FRMD4A: variants seen among roughly 807,000 people sequenced by gnomAD.
FRMD4A encodes the protein FERM domain-containing protein 4A.
A neutral mutation model predicts 129.1 loss-of-function variants in FRMD4A; 29 were observed. The observed-to-expected ratio is 0.22, with a 90% CI of 0.17 to 0.31. The LOEUF (loss-of-function observed/expected upper bound fraction) is 0.31. FRMD4A is among the 10% of genes least tolerant of loss of function. FRMD4A has a pLI of 1.00. For missense variants in FRMD4A, 1,272 were observed against 1,375.8 expected, an observed-to-expected ratio of 0.92 and a Z score of 1.19; for synonymous variants, 634 against 571.6, an observed-to-expected ratio of 1.11 and a Z score of -1.56.
At chr10:14,248,994 T>C (rs1202340253) in intron 2 of FRMD4A, among the ~76,000 whole-genome samples, 5 of 152,234 alleles carry the variant, frequency 3.3e-5, no homozygotes, top group African/African-American at 1.2e-4. Flanking sequence ...CACTTGCACC[T>C]ACGTTTTGAC....
intron 2 of FRMD4A, among the ~76,000 whole-genome samples, chr10:14,055,455 ACACACAAACACACAC>A (rs1834470741): frequency 1.4e-4 from 2 of 14,250 alleles, no homozygotes; most frequent in South Asian, 1.8e-3. Context: ...ACACACACAC[ACACACAAACACACAC>A]ACACACACAC....
intron 3 of FRMD4A, among the ~76,000 whole-genome samples, chr10:13,842,390 T>C (rs1170815758): frequency 1.3e-5 from 2 of 152,240 alleles, no homozygotes; most frequent in Non-Finnish European, 2.9e-5. Flanking sequence ...TCAATAACAC[T>C]GAGCCAGCCT....
intron 2 of FRMD4A, among the ~76,000 whole-genome samples, chr10:14,295,279 A>G (rs1845974532): frequency 6.6e-6 from 1 of 152,064 alleles, no homozygotes; most frequent in Non-Finnish European, 1.5e-5. Flanking sequence ...TACTGGGAGG[A>G]TTTACTTGGG....
chr10:14,213,024 G>T (rs1325300797), intron 2 of FRMD4A, among the ~76,000 whole-genome samples: 2 of 151,936 alleles, frequency 1.3e-5, no homozygotes, highest in African/African-American at 4.8e-5. Context: ...ATCTCTTGAG[G>T]CCAGGAGTTT....
At chr10:14,094,335 C>T (rs1324840669) in intron 2 of FRMD4A, among the ~76,000 whole-genome samples, 6 of 152,192 alleles carry the variant, frequency 3.9e-5, no homozygotes, top group Non-Finnish European at 8.8e-5. Flanking sequence ...ACATGGAAGG[C>T]ATCAAAACCG....
chr10:14,175,437 C>T (rs1034057593), intron 2 of FRMD4A, among the ~76,000 whole-genome samples: 2 of 151,864 alleles, frequency 1.3e-5, no homozygotes, highest in Non-Finnish European at 2.9e-5. Flanking sequence ...CTCCCGTTCA[C>T]ACATCAGCAT....
intron 2 of FRMD4A, among the ~76,000 whole-genome samples, chr10:13,947,689 C>T (rs2095342320): frequency 6.6e-6 from 1 of 152,116 alleles, no homozygotes. Context: ...CAGCAGAAGC[C>T]TCCAGTGTTT....
intron 15 of FRMD4A, among the ~76,000 whole-genome samples, chr10:13,686,947 C>T (rs2085139754): frequency 6.6e-6 from 1 of 152,120 alleles, no homozygotes; most frequent in Non-Finnish European, 1.5e-5. Context: ...CCTTAAAAAG[C>T]CTGAGAACAA....
chr10:13,706,555 G>A (rs775738375), intron 13 of FRMD4A, among the ~76,000 whole-genome samples: 5 of 152,218 alleles, frequency 3.3e-5, no homozygotes, highest in Admixed American at 6.5e-5. Context: ...ATAAAACAAC[G>A]TAGCACAACT....
chr10:14,150,438 A>T (rs1024303545), intron 2 of FRMD4A, among the ~76,000 whole-genome samples: 7 of 152,150 alleles, frequency 4.6e-5, no homozygotes, highest in Non-Finnish European at 4.4e-5. Context: ...TTATTATTTC[A>T]TCTGTAAATT....
chr10:14,271,536 C>T (rs1299447455), intron 2 of FRMD4A, among the ~76,000 whole-genome samples: 1 of 152,262 alleles, frequency 6.6e-6, no homozygotes, highest in East Asian at 1.9e-4. Context: ...GCTCACTCCA[C>T]ACAGAGAGTG....
At chr10:14,257,170 A>G (rs995838979) in intron 2 of FRMD4A, among the ~76,000 whole-genome samples, 1 of 152,116 alleles carries the variant, frequency 6.6e-6, no homozygotes, top group South Asian at 2.1e-4. Context: ...ACCTCTACTA[A>G]AAATACAAAA....
intron 2 of FRMD4A, among the ~76,000 whole-genome samples, chr10:14,185,544 A>C (rs934626647): frequency 2.6e-5 from 4 of 152,230 alleles, no homozygotes; most frequent in Non-Finnish European, 5.9e-5. Context: ...GAAACTTGAA[A>C]CATAAAGCAA....
chr10:14,054,874 C>A (rs12357800), intron 2 of FRMD4A, among the ~76,000 whole-genome samples: 2 of 152,094 alleles, frequency 1.3e-5, no homozygotes, highest in Non-Finnish European at 2.9e-5. Context: ...CTTTTGCCTG[C>A]CACCATGTAA....
intron 2 of FRMD4A, among the ~76,000 whole-genome samples, chr10:14,156,441 C>T (rs1054684722): frequency 1.3e-5 from 2 of 152,222 alleles, no homozygotes; most frequent in Admixed American, 6.5e-5. Context: ...CTCTTGAGAG[C>T]ACCAAAATAT....
At chr10:13,929,228 T>C (rs2095168008) in intron 2 of FRMD4A, among the ~76,000 whole-genome samples, 1 of 152,194 alleles carries the variant, frequency 6.6e-6, no homozygotes, top group South Asian at 2.1e-4. Flanking sequence ...CAGTTCCATG[T>C]TTCATAATTT....
rs184031693 is a variant in FRMD4A, at chr10:13,883,164, G to A, written c.46-24252C>T. Among the ~76,000 whole-genome samples, 3 of 152,196 alleles carry A rather than the reference G, an allele frequency of 2.0e-5. No homozygotes were observed. In the East Asian group the frequency reaches 5.8e-4, roughly 29 times the overall value. On this transcript the variant is annotated intron_variant, in intron 2 of 24. Coordinates refer to ENST00000357447, the MANE Select transcript of FRMD4A (RefSeq NM_018027.5). ...CTCTAGGAGCGTGGTCAGTTTCATT[G>A]GCAAGAAGCAAAGGAGGATCTAGCT...
intron 2 of FRMD4A, among the ~76,000 whole-genome samples, chr10:14,215,857 T>A (rs1210227458): frequency 6.6e-6 from 1 of 152,024 alleles, no homozygotes; most frequent in South Asian, 2.1e-4. Context: ...GTCATGGGAG[T>A]CTCAGTTGCT....
At chr10:14,044,496 T>C (rs1476120797) in intron 2 of FRMD4A, among the ~76,000 whole-genome samples, 1 of 152,192 alleles carries the variant, frequency 6.6e-6, no homozygotes, top group Non-Finnish European at 1.5e-5. Context: ...CTAGCCCTTC[T>C]ACGAAGAGTG....
Sources: allele counts gnomAD v4.1 joint callset (sites outside exome capture counted in the v4.1 genomes callset), GRCh38; gene constraint gnomAD v4.1.1; transcripts MANE v1.5; gene names NCBI Gene and HGNC (gene_info 2026-07-23, HGNC 2026-07-21).